MYL10: variants seen among roughly 807,000 people sequenced by gnomAD.
MYL10 encodes myosin light chain 10, also known as myosin regulatory light chain 10.
In MYL10, 18 loss-of-function variants were observed where a neutral mutation model predicts 21.9. That is an observed-to-expected ratio of 0.82 (90% CI 0.57 to 1.22). The LOEUF (loss-of-function observed/expected upper bound fraction) is 1.22. MYL10 is among the 50% of genes most tolerant of loss of function. MYL10 has a pLI of 0.00. For synonymous variants in MYL10, 88 were observed against 82.8 expected (o/e 1.06, Z -0.34); for missense variants, 225 against 230.4 (o/e 0.98, Z 0.15).
intron 1 of MYL10, among the ~76,000 whole-genome samples, chr7:101,626,320 G>T (rs904560432): frequency 6.6e-6 from 1 of 152,190 alleles, no homozygotes; most frequent in Non-Finnish European, 1.5e-5. Context: ...ATCAGGCCCC[G>T]TCTTGGTCCC....
In MYL10 at chr7:101,622,081, A is replaced by G; in HGVS notation, c.454+15T>C. 2 of 1,606,732 alleles carry G rather than the reference A, an allele frequency of 1.2e-6. No homozygotes were observed. Among genetic ancestry groups the G allele is most frequent in the Non-Finnish European group, 1.7e-6 (2 of 1,173,678 alleles). On this transcript the variant is annotated intron_variant, in intron 5 of 7. Transcript: ENST00000223167. ...TTCCCTGCTGCCCCTCCAGGACTCC[A>G]GGAGCCTGGCTCACCCTTCAGCTTC...
At chr7:101,620,985 C>T (rs1052035997) in intron 5 of MYL10, among the ~76,000 whole-genome samples, 2 of 151,976 alleles carry the variant, frequency 1.3e-5, no homozygotes, top group Admixed American at 6.6e-5. Context: ...GACAGTGTTT[C>T]GCCATGTTAG....
chr7:101,614,092 C>T (rs781500730), intron 6 of MYL10, among the ~76,000 whole-genome samples: 3 of 152,208 alleles, frequency 2.0e-5, no homozygotes, highest in East Asian at 1.9e-4. Context: ...CAGCTTGTGA[C>T]GTTCACTGAC....
At position 101,627,316 on chromosome 7, in the gene MYL10, C is replaced by T. The variant is rs921980397; in HGVS notation, c.78+1725G>A. ...TCTGTCTAAAAAAGAAAAGGAATTG[C>T]GGAGTGAGGTCAGGGGCAGGGGCAG... On this transcript the variant is annotated intron_variant, in intron 1 of 7. Transcript: ENST00000223167. Among the ~76,000 whole-genome samples, 8 of 38,230 alleles carry T rather than the reference C, an allele frequency of 2.1e-4. No individual in the cohort carries two copies. The South Asian group carries it at 5.3e-3, about 25-fold the overall frequency. The allele number at this position is 38,230 out of a possible 152,430, so 25.1% of individuals were successfully genotyped here.
chr7:101,613,926 G>A (rs978246983), intron 6 of MYL10, among the ~76,000 whole-genome samples: 8 of 152,100 alleles, frequency 5.3e-5, no homozygotes, highest in African/African-American at 1.9e-4. Flanking sequence ...CCAGCATCAG[G>A]TAGGGACCAA....
intron 1 of MYL10, 144 bp downstream of exon 1, chr7:101,628,897 G>A (rs906747148): frequency 5.6e-6 from 2 of 355,888 alleles, no homozygotes; most frequent in Non-Finnish European, 1.1e-5. Context: ...AACACAGAAG[G>A]TCAGGCCATG....
chr7:101,623,150 G>T (rs1040990839), intron 3 of MYL10, 78 bp from the exon 4 acceptor site: 20 of 1,379,176 alleles, frequency 1.5e-5, no homozygotes, highest in South Asian at 2.4e-5. Flanking sequence ...TCCTCCTGCC[G>T]ACTGCTGCCC....
intron 5 of MYL10, 49 bp from the exon 6 acceptor site, chr7:101,616,347 C>T: frequency 6.7e-7 from 1 of 1,489,068 alleles, no homozygotes; most frequent in South Asian, 1.1e-5. Flanking sequence ...GAAGAGGGCC[C>T]CACAGGGACA....
In MYL10 at chr7:101,624,218, T is replaced by C. The variant is rs781221528; in HGVS notation, c.125A>G (p.Asn42Ser). The C allele has an allele frequency of 2.9e-5, 46 of 1,613,756 alleles. 1 individual carries two copies. The Middle Eastern group carries it at 4.6e-3, about 162-fold the overall frequency. ...RKRAEGTASSNVFSMFDQSQI... is the reference protein window; with the variant it reads ...RKRAEGTASSSVFSMFDQSQI... ...GGACTGATCAAACATGGAGAAGACG[T>C]TGGAGCTGGCGGTGCCTTCTGCTCT... Residue 42 changes from asparagine (N) to serine (S), a missense_variant, in exon 2 of 8, where the codon AAC becomes AGC. Transcript: ENST00000223167.
intron 1 of MYL10, among the ~76,000 whole-genome samples, chr7:101,626,432 G>A (rs1045028200): frequency 1.3e-5 from 2 of 152,082 alleles, no homozygotes; most frequent in East Asian, 1.9e-4. Flanking sequence ...CTAGGCCCTC[G>A]GGCAGTCAGG....
chr7:101,619,135 C>T (rs150430415), intron 5 of MYL10, among the ~76,000 whole-genome samples: 1 of 152,228 alleles, frequency 6.6e-6, no homozygotes, highest in Non-Finnish European at 1.5e-5. Context: ...CTTTAACACG[C>T]CTCCTTCAGT....
intron 4 of MYL10, among the ~76,000 whole-genome samples, chr7:101,622,502 G>C (rs1028505512): frequency 2.0e-5 from 3 of 152,146 alleles, no homozygotes; most frequent in African/African-American, 7.2e-5. Context: ...CTGTGCCCCA[G>C]GAGGGGATCA....
At chr7:101,626,611 A>C (rs1198833365) in intron 1 of MYL10, among the ~76,000 whole-genome samples, 1 of 152,174 alleles carries the variant, frequency 6.6e-6, no homozygotes, top group Non-Finnish European at 1.5e-5. Flanking sequence ...GTGCACAGGC[A>C]AAGGTGAACA....
intron 1 of MYL10, among the ~76,000 whole-genome samples, chr7:101,625,393 G>C (rs1174602548): frequency 1.3e-5 from 2 of 152,200 alleles, no homozygotes; most frequent in Non-Finnish European, 2.9e-5. Context: ...CAGACGGGGA[G>C]GTGGACGGGA....
At chr7:101,628,176 G>A (rs900933195) in intron 1 of MYL10, among the ~76,000 whole-genome samples, 10 of 152,242 alleles carry the variant, frequency 6.6e-5, no homozygotes, top group African/African-American at 1.9e-4. Context: ...AAAATGGGGT[G>A]GGCGCAGTGG....
At position 101,616,265 on chromosome 7, in the gene MYL10, A is replaced by C. The variant is rs1271236211; in HGVS notation, c.488T>G (p.Phe163Cys). The C allele has an allele frequency of 2.5e-6, 4 of 1,614,002 alleles. No homozygotes were observed. The highest frequency in any genetic ancestry group is 1.6e-4 in the Middle Eastern group (1 of 6,084). ...TDPEETILHA[F>C]KVFDTEGKGF... ...TTTCCCTTCAGTGTCGAACACTTTG[A>C]AGGCGTGGAGAATGGTCTCCTCTGG... Residue 163 changes from phenylalanine (F) to cysteine (C), a missense_variant, in exon 6 of 8, where the codon TTC becomes TGC. Coordinates refer to ENST00000223167, the MANE Select transcript of MYL10 (RefSeq NM_138403.5).
intron 5 of MYL10, among the ~76,000 whole-genome samples, chr7:101,618,976 C>T (rs1196434734): frequency 6.6e-6 from 1 of 152,178 alleles, no homozygotes; most frequent in Admixed American, 6.5e-5. Flanking sequence ...TCTTGGAGGT[C>T]TCTCTAAACT....
chr7:101,622,046 C>G (rs764597058), intron 5 of MYL10, 50 bp downstream of exon 5: 1 of 1,425,112 alleles, frequency 7.0e-7, no homozygotes, highest in Non-Finnish European at 9.9e-7. Context: ...CTACATCCGT[C>G]CCCCTGCCAT....
At chr7:101,614,168 G>A (rs1295335432) in intron 6 of MYL10, among the ~76,000 whole-genome samples, 3 of 152,180 alleles carry the variant, frequency 2.0e-5, no homozygotes, top group Non-Finnish European at 4.4e-5. Context: ...GCCTGCCCAG[G>A]TCCGTGTCCT....
Sources: gnomAD v4.1 joint callset for allele counts (sites outside exome capture counted in the v4.1 genomes callset) on GRCh38, gnomAD v4.1.1 for gene constraint, MANE v1.5 for transcripts, NCBI Gene and HGNC (gene_info 2026-07-23, HGNC 2026-07-21) for gene names.